CNOT1: variants seen among roughly 807,000 people sequenced by gnomAD.
CNOT1 encodes the protein CCR4-NOT transcription complex subunit 1, also known as CCR4-associated factor 1.
In CNOT1, 15 loss-of-function variants were observed where a neutral mutation model predicts 273.8. That is an observed-to-expected ratio of 0.05 (90% CI 0.04 to 0.08). CNOT1 has a LOEUF of 0.08. Among genes scored for constraint, CNOT1 ranks in the 10% least tolerant of loss-of-function variants. CNOT1 has a pLI of 1.00. For missense variants in CNOT1, 1,644 were observed against 2,912.2 expected (o/e 0.56, Z 10.02); for synonymous variants, 1,022 against 1,005.5 (o/e 1.02, Z -0.31).
At chr16:58,592,036 CTTAAT>C (rs2042078687) in intron 2 of CNOT1, among the ~76,000 whole-genome samples, 1 of 151,906 alleles carries the variant, frequency 6.6e-6, no homozygotes, top group African/African-American at 2.4e-5. Context: ...CCTTGATATA[CTTAAT>C]TTTTCATATA....
intron 1 of CNOT1, among the ~76,000 whole-genome samples, chr16:58,601,495 T>C (rs1189373962): frequency 1.3e-5 from 2 of 152,084 alleles, no homozygotes; most frequent in Non-Finnish European, 2.9e-5. Context: ...TGTTCTGAAG[T>C]CCGCTTGTAA....
At chr16:58,525,144 G>A in intron 46 of CNOT1, 35 bp downstream of exon 46, 5 of 1,599,240 alleles carry the variant, frequency 3.1e-6, no homozygotes, top group Non-Finnish European at 4.3e-6. Flanking sequence ...AAAGCACAGA[G>A]AACTCTACTC....
chr16:58,546,225 T>C, intron 29 of CNOT1, 96 bp downstream of exon 29: 1 of 1,066,964 alleles, frequency 9.4e-7, no homozygotes, highest in Admixed American at 2.2e-5. Context: ...CACTACATTA[T>C]GTGGGAAATT....
rs968626786 is a variant in CNOT1 at position 58,546,338 on chromosome 16, G to A, written c.3989C>T (p.Pro1330Leu). The A allele has an allele frequency of 3.7e-5, 59 of 1,613,490 alleles. No individual in the cohort carries two copies. Among genetic ancestry groups the A allele is most frequent in the Admixed American group, 5.0e-5 (3 of 59,952 alleles). ...ACACTTACTTGTGGTTGTGATGGGA[G>A]GGAGTTCTTCTGGCTGCTTGACATC... Reference protein sequence around the residue: ...KKDVKQPEELPPITTTTTSTT... With the variant: ...KKDVKQPEELLPITTTTTSTT... The change falls in exon 29 of 49, where the codon CCT becomes CTT. Residue 1330 changes from proline to leucine, a missense_variant. Around this residue, in one of 13 missense-constraint regions of CNOT1, gnomAD observed 52 missense variants for 50.2 expected, o/e 1.04. Transcript: ENST00000317147.
In CNOT1 at chr16:58,543,180, A is replaced by C. The variant is rs2040147672; in HGVS notation, c.4434+427T>G. On this transcript the variant is annotated intron_variant, in intron 31 of 48. Coordinates refer to ENST00000317147, the MANE Select transcript of CNOT1 (RefSeq NM_016284.5). ...ATTAATCATGATACCTGAATTATTA[A>C]CCATGATATCTGAGACTCAAAACTA... 3.4e-6 allele frequency: 5 copies of C among 1,457,998 alleles called. No homozygotes were observed. The Admixed American group carries it at 1.2e-4, about 36-fold the overall frequency. 90.3% of individuals were successfully genotyped at this position (1,457,998 alleles called of 1,614,324 possible). A position where few individuals can be genotyped will look rare whatever the true frequency, so the allele number is the denominator to read the frequency against.
chr16:58,546,404 C>A lies in CNOT1; in HGVS notation c.3923G>T (p.Arg1308Leu), dbSNP rs773922598. Residue 1308 changes from arginine to leucine, a missense_variant, in exon 29 of 49, where the codon CGC becomes CTC. Coordinates refer to ENST00000317147, the MANE Select transcript of CNOT1 (RefSeq NM_016284.5). The stretch of plus-strand genomic sequence containing the variant: ...GAGTTGCTCATCTAAATTCTTCAGG[C>A]GATCTTTATCCTTTAGGAGGTTTCC... ...KPGNLLKDKD[R>L]LKNLDEQLSA... 2 of 1,613,880 alleles carry A rather than the reference C, an allele frequency of 1.2e-6. No individual in the cohort carries two copies. Among genetic ancestry groups the A allele is most frequent in the South Asian group, 1.1e-5 (1 of 91,070 alleles).
chr16:58,546,204 CAA>C (rs2040252969), intron 29 of CNOT1, 115 bp downstream of exon 29: 2 of 900,490 alleles, frequency 2.2e-6, no homozygotes, highest in South Asian at 1.7e-5. Context: ...AAAACGTATA[CAA>C]AGTTTCACCA....
chr16:58,606,119 G>A (rs1339200358), intron 1 of CNOT1, among the ~76,000 whole-genome samples: 2 of 152,046 alleles, frequency 1.3e-5, no homozygotes, highest in Admixed American at 6.6e-5. Context: ...ATAATATAAA[G>A]TAGCCAAGCA....
intron 1 of CNOT1, among the ~76,000 whole-genome samples, chr16:58,603,407 AAG>A (rs1491444342): frequency 0.044 from 5,585 of 126,292 alleles, 182 homozygotes; most frequent in Non-Finnish European, 0.052. Context: ...TACAATTTAA[AAG>A]TGTGTGTGTG....
chr16:58,585,005 A>G (rs1222014030), intron 8 of CNOT1, among the ~76,000 whole-genome samples: 6 of 152,312 alleles, frequency 3.9e-5, no homozygotes, highest in South Asian at 4.1e-4. Context: ...AATTAGTCAC[A>G]TTAAGTGTAA....
At chr16:58,576,414 T>C in intron 14 of CNOT1, 49 bp downstream of exon 14, 2 of 1,610,518 alleles carry the variant, frequency 1.2e-6, no homozygotes, top group Non-Finnish European at 1.7e-6. Flanking sequence ...CCCGGCCTTT[T>C]TTTCTCATTA....
Position 58,551,811 on chromosome 16 carries a change from C to A in CNOT1, c.2979G>T (p.Glu993Asp). Residue 993 changes from glutamate (E) to aspartate (D), a missense_variant, in exon 23 of 49, where the codon GAG (glutamate) becomes GAT (aspartate). This residue lies in a region of CNOT1 where 77 missense variants were observed against 90.5 expected (regional missense o/e 0.85). Coordinates refer to ENST00000317147, the MANE Select transcript of CNOT1 (RefSeq NM_016284.5). ...QFPHHLQEYI[E>D]YGQQSRDPPV... Reference sequence around the variant, plus strand: ...GAGGATCTCTAGACTGCTGTCCATACTCAATATACTAAAAGGGTAGGGAGA... The same window carrying A: ...GAGGATCTCTAGACTGCTGTCCATAATCAATATACTAAAAGGGTAGGGAGA... 1 of 1,614,138 alleles carries A rather than the reference C, an allele frequency of 6.2e-7. No individual in the cohort carries two copies.
In CNOT1 at chr16:58,622,343, GGGGGGGGC is replaced by G. The variant is rs1489497893; in HGVS notation, c.-175+7377_-175+7384del. ...AATGTACCACTCTAGTGGGGGGGGG[GGGGGGGGC>G]GGGCGTGGACAATGGGCAAGGCAAA... is the stretch of plus-strand genomic sequence containing the variant. On this transcript the variant is annotated intron_variant, in intron 1 of 48. Coordinates refer to ENST00000317147, the MANE Select transcript of CNOT1 (RefSeq NM_016284.5). 4.3e-3 allele frequency among the ~76,000 whole-genome samples: 265 copies of G among 62,196 alleles called. 29 individuals carry two copies. The highest frequency in any genetic ancestry group is 0.011 in the African/African-American group (258 of 23,742). The allele number at this position is 62,196 out of a possible 152,430, so 40.8% of individuals were successfully genotyped here.
At chr16:58,563,828 C>T (rs2040944400) in intron 16 of CNOT1, among the ~76,000 whole-genome samples, 1 of 152,172 alleles carries the variant, frequency 6.6e-6, no homozygotes, top group African/African-American at 2.4e-5. Context: ...ATACCTAACA[C>T]AATCGCAGAT....
At chr16:58,615,818 G>C (rs13333216) in intron 1 of CNOT1, among the ~76,000 whole-genome samples, 73,782 of 122,310 alleles carry the variant, frequency 0.6, 29,946 homozygotes, top group African/African-American at 0.79. Context: ...ACAGTAGCTC[G>C]CACCTCTAAT....
intron 19 of CNOT1, among the ~76,000 whole-genome samples, 194 bp from the exon 20 acceptor site, chr16:58,556,102 TC>T (rs775070266): frequency 2.0e-5 from 3 of 152,244 alleles, no homozygotes; most frequent in Admixed American, 1.3e-4. Flanking sequence ...CAAAGTGCCT[TC>T]CATAATTCTA....
At chr16:58,552,441 A>G (rs1293293067) in intron 22 of CNOT1, among the ~76,000 whole-genome samples, 2 of 152,138 alleles carry the variant, frequency 1.3e-5, no homozygotes, top group Non-Finnish European at 2.9e-5. Context: ...ACAGAAAGTG[A>G]TGATCTCTCT....
At position 58,538,657 on chromosome 16, in the gene CNOT1, A is replaced by ACCTACTACCT. The variant is rs2039989986; in HGVS notation, c.5135+114_5135+115insAGGTAGTAGG. The stretch of plus-strand genomic sequence containing the variant: ...CTCACCTCTCAGAAGTAGGAAGTCT[A>ACCTACTACCT]AGTGTCCGACCTACCTACTAGAAAA... On this transcript the variant is annotated intron_variant, in intron 36 of 48. Transcript: ENST00000317147. 2.3e-5 allele frequency: 34 copies of ACCTACTACCT among 1,450,926 alleles called. No homozygotes were observed. In the East Asian group the frequency reaches 7.5e-4, roughly 32 times the overall value. The allele number at this position is 1,450,926 out of a possible 1,614,324, so 89.9% of individuals were successfully genotyped here. A position where few individuals can be genotyped will look rare whatever the true frequency, so the allele number is the denominator to read the frequency against.
chr16:58,543,411 GAAAAAA>G, intron 31 of CNOT1, 190 bp downstream of exon 31: 1 of 1,348,062 alleles, frequency 7.4e-7, no homozygotes, highest in Non-Finnish European at 9.8e-7. Context: ...GAATATAACA[GAAAAAA>G]AAAAAAACAC....
Sources: allele counts gnomAD v4.1 joint callset (sites outside exome capture counted in the v4.1 genomes callset), GRCh38; gene constraint gnomAD v4.1.1; regional missense constraint gnomAD v4.1.1; transcripts MANE v1.5; gene names NCBI Gene and HGNC (gene_info 2026-07-23, HGNC 2026-07-21).